PWWP3A: variants seen among roughly 807,000 people sequenced by gnomAD.
PWWP3A encodes the protein PWWP domain-containing DNA repair factor 3A.
A neutral mutation model predicts 79.0 loss-of-function variants in PWWP3A; 53 were observed. That is an observed-to-expected ratio of 0.67 (90% CI 0.54 to 0.84). PWWP3A has a LOEUF of 0.84. PWWP3A is among the 40% of genes least tolerant of loss of function. PWWP3A has a pLI of 0.00. For missense variants in PWWP3A, 973 were observed against 948.0 expected (o/e 1.03, Z -0.35); for synonymous variants, 443 against 394.4 (o/e 1.12, Z -1.46).
Position 1,360,917 on chromosome 19 carries a change from G to C in PWWP3A, c.996G>C (p.Gly332=). ...GAAPSPGPGP[G]PRESVTPRST... ...CACCATCCCCCGGGCCGGGGCCAGGGCCCAGAGAGTCTGTGACCCCGCGCA... is the reference window on the plus strand; with the variant it reads ...CACCATCCCCCGGGCCGGGGCCAGGCCCCAGAGAGTCTGTGACCCCGCGCA... Residue 332 remains glycine (G), a synonymous_variant, in exon 5 of 14, where the codon GGG becomes GGC. Coordinates refer to ENST00000591337, the MANE Select transcript of PWWP3A (RefSeq NM_001369789.1). The surrounding 1 kb of genome is among the most constrained non-coding windows in gnomAD (Gnocchi z 4.4). 6.5e-7 allele frequency: 1 copy of C among 1,538,962 alleles called. No homozygotes were observed. The highest frequency in any genetic ancestry group is 8.8e-7 in the Non-Finnish European group (1 of 1,141,802).
chr19:1,378,403 G>C lies in PWWP3A; in HGVS notation c.*1827G>C, dbSNP rs1445866649. The C allele has an allele frequency of 6.6e-6, 1 of 152,246 alleles. No homozygotes were observed. Among genetic ancestry groups the C allele is most frequent in the South Asian group, 2.1e-4 (1 of 4,836 alleles). 9.4% of individuals were successfully genotyped at this position (152,246 alleles called of 1,614,324 possible). ...CTCTGCTGACCTTGCCAAGTTGTTCGAGGTGGAATTAAACACCTCCCAGAC... is the reference window on the plus strand; with the variant it reads ...CTCTGCTGACCTTGCCAAGTTGTTCCAGGTGGAATTAAACACCTCCCAGAC... On this transcript the variant is annotated 3_prime_UTR_variant, in exon 14 of 14. Transcript: ENST00000591337.
rs756707490 is a variant in PWWP3A, at chr19:1,360,337, C to G, written c.416C>G (p.Pro139Arg). 7 of 1,613,940 alleles carry G rather than the reference C, an allele frequency of 4.3e-6. 1 individual carries two copies. In the South Asian group the frequency reaches 7.7e-5, roughly 18 times the overall value. Reference protein sequence around the residue: ...SPCDSNSSSLPRGDVLGSSRP... With the variant: ...SPCDSNSSSLRRGDVLGSSRP... Reference sequence around the variant, plus strand: ...TGTGATTCGAACTCCTCATCTCTTCCCCGCGGAGACGTGTTGGGCAGTTCC... The same window carrying G: ...TGTGATTCGAACTCCTCATCTCTTCGCCGCGGAGACGTGTTGGGCAGTTCC... The change falls in exon 5 of 14, where the codon CCC becomes CGC. Residue 139 changes from proline to arginine, a missense_variant. Pro to Arg is a moderately radical substitution (Grantham distance 103). Coordinates refer to ENST00000591337, the MANE Select transcript of PWWP3A (RefSeq NM_001369789.1). The surrounding 1 kb of genome is among the most constrained non-coding windows in gnomAD (Gnocchi z 4.4).
In PWWP3A at chr19:1,376,573, G is replaced by T; in HGVS notation, c.2130G>T (p.Arg710=). ...TTGAAGAGCGGAACCGGCGCCGTCG[G>T]TGAGGGAGCAGCCGGCTGTGCTGTC... The part of the protein sequence containing the change: ...QLLEERNRRR[R] Residue 710 remains arginine, a synonymous_variant, in exon 14 of 14, where the codon CGG becomes CGT. Coordinates refer to ENST00000591337, the MANE Select transcript of PWWP3A (RefSeq NM_001369789.1). 2 of 1,613,586 alleles carry T rather than the reference G, an allele frequency of 1.2e-6. No homozygotes were observed. Among genetic ancestry groups the T allele is most frequent in the East Asian group, 4.5e-5 (2 of 44,872 alleles).
Position 1,375,640 on chromosome 19 carries a change from TAA to T in PWWP3A, c.2076-878_2076-877del, listed in dbSNP as rs1260623186. 7.0e-4 allele frequency among the ~76,000 whole-genome samples: 5 copies of T among 7,172 alleles called. No homozygotes were observed. In the East Asian group the frequency reaches 0.023, roughly 34 times the overall value. The allele number at this position is 7,172 out of a possible 152,430, so 4.7% of individuals were successfully genotyped here. ...TTATATAACAATTTTATATATTATATAATATATAATTGTATATATTATATATA... is the reference window on the plus strand; with the variant it reads ...TTATATAACAATTTTATATATTATATTATATAATTGTATATATTATATATA... On this transcript the variant is annotated intron_variant, in intron 13 of 13. Coordinates refer to ENST00000591337, the MANE Select transcript of PWWP3A (RefSeq NM_001369789.1).
intron 7 of PWWP3A, among the ~76,000 whole-genome samples, chr19:1,365,812 G>A (rs980156381): frequency 6.6e-6 from 1 of 152,266 alleles, no homozygotes; most frequent in African/African-American, 2.4e-5. Flanking sequence ...AGGGCCATCG[G>A]AGGCGCTGGT....
intron 11 of PWWP3A, 25 bp from the exon 12 acceptor site, chr19:1,370,617 C>G: frequency 6.9e-7 from 1 of 1,444,550 alleles, no homozygotes; most frequent in Non-Finnish European, 9.1e-7. Context: ...ACGCGCTGGT[C>G]CCACGACAGG....
intron 5 of PWWP3A, among the ~76,000 whole-genome samples, chr19:1,361,728 T>C (rs2082018758): frequency 6.6e-6 from 1 of 151,830 alleles, no homozygotes; most frequent in Non-Finnish European, 1.5e-5. Context: ...GAAGACAAAG[T>C]GACCGCACCC....
chr19:1,364,511 C>T lies in PWWP3A; in HGVS notation c.1216C>T (p.Pro406Ser), dbSNP rs747407035. 1 of 1,594,462 alleles carries T rather than the reference C, an allele frequency of 6.3e-7. No homozygotes were observed. The highest frequency in any genetic ancestry group is 1.8e-5 in the Admixed American group (1 of 55,362). The part of the protein sequence containing the change: ...EPPRVLLYHE[P>S]RSFEVGMLVW... Reference sequence around the variant, plus strand: ...TTTTCTTTTTTCTTTAATTCTAGAACCACGTTCGTTTGAAGTAGGAATGCT... The same window carrying T: ...TTTTCTTTTTTCTTTAATTCTAGAATCACGTTCGTTTGAAGTAGGAATGCT... Residue 406 changes from proline (P) to serine (S), a missense_variant and splice_region_variant, in exon 7 of 14, where the codon CCA becomes TCA. Pro to Ser is a moderately conservative substitution (Grantham distance 74). Transcript: ENST00000591337.
At position 1,369,528 on chromosome 19, in the gene PWWP3A, C is replaced by A. The variant is rs1600119521; in HGVS notation, c.1499-68C>A. On this transcript the variant is annotated intron_variant, in intron 10 of 13. Coordinates refer to ENST00000591337, the MANE Select transcript of PWWP3A (RefSeq NM_001369789.1). This position sits in a 1 kb window ranked among gnomAD's most constrained non-coding sequence, Gnocchi z 4.0. ...TCCTAAACAGAGACGCCGGGCCAGC[C>A]CCTGGAACACACTTCCTGGGACTCC... 1.9e-6 allele frequency: 3 copies of A among 1,584,144 alleles called. No homozygotes were observed. The highest frequency in any genetic ancestry group is 2.7e-5 in the African/African-American group (2 of 74,330).
At position 1,369,114 on chromosome 19, in the gene PWWP3A, C is replaced by T. The variant is rs1218541147; in HGVS notation, c.1423-151C>T. 3 of 666,338 alleles carry T rather than the reference C, an allele frequency of 4.5e-6. No homozygotes were observed. Among genetic ancestry groups the T allele is most frequent in the African/African-American group, 3.6e-5 (2 of 55,622 alleles). The allele number at this position is 666,338 out of a possible 1,614,324, so 41.3% of individuals were successfully genotyped here. On this transcript the variant is annotated intron_variant, in intron 9 of 13. Transcript: ENST00000591337. The surrounding 1 kb of genome is among the most constrained non-coding windows in gnomAD (Gnocchi z 4.0). ...GAGGGTCCCTGTGCGAGGCGTCTGC[C>T]AGAGCCCCCTTTGTCAGGGAGGGTC...
intron 3 of PWWP3A, chr19:1,357,399 CTTTTTT>C (rs66856576): frequency 0.026 from 3,375 of 127,994 alleles, 141 homozygotes; most frequent in African/African-American, 0.096. Flanking sequence ...GGGATATTTC[CTTTTTT>C]TTTTTTTTTT....
chr19:1,357,468 C>G (rs975724796), intron 3 of PWWP3A: 1 of 149,628 alleles, frequency 6.7e-6, no homozygotes, highest in Non-Finnish European at 1.4e-5. Flanking sequence ...GTTTCCTTCC[C>G]AGAGATCTGT....
At chr19:1,362,126 A>G (rs913642744) in intron 5 of PWWP3A, 124 bp from the exon 6 acceptor site, 2 of 636,430 alleles carry the variant, frequency 3.1e-6, no homozygotes, top group South Asian at 2.7e-5. Flanking sequence ...GGCAGTGTGG[A>G]GTTGTGTATA....
At chr19:1,361,903 T>A (rs1285835151) in intron 5 of PWWP3A, 1 of 225,930 alleles carries the variant, frequency 4.4e-6, no homozygotes, top group Non-Finnish European at 9.0e-6. Flanking sequence ...GCATATCCAC[T>A]GATTGCTTCA....
chr19:1,371,187 C>T (rs779412098), intron 12 of PWWP3A, 109 bp downstream of exon 12: 21 of 1,275,716 alleles, frequency 1.6e-5, no homozygotes, highest in South Asian at 1.1e-4. Context: ...CCTGGCCGTT[C>T]GGCGGCCAAC....
Position 1,360,749 on chromosome 19 carries a change from G to C in PWWP3A, c.828G>C (p.Pro276=), listed in dbSNP as rs374979195. ...CTGAGGGACACGACCCCGGTCTGCC[G>C]TTGGGCAGCCTCACTGCGCCCCCAG... ...ANAEGHDPGL[P]LGSLTAPPAP... is the part of the protein sequence containing the mutation. The change falls in exon 5 of 14, where the codon CCG becomes CCC. Residue 276 remains proline, a synonymous_variant. Transcript: ENST00000591337. The surrounding 1 kb of genome is among the most constrained non-coding windows in gnomAD (Gnocchi z 4.4). 1 of 1,612,328 alleles carries C rather than the reference G, an allele frequency of 6.2e-7. No individual in the cohort carries two copies. The highest frequency in any genetic ancestry group is 8.5e-7 in the Non-Finnish European group (1 of 1,179,466).
rs745489616 is a variant in PWWP3A at position 1,362,264 on chromosome 19, G to A, written c.1126G>A (p.Glu376Lys). The part of the protein sequence containing the change: ...QKLEKECQSS[E>K]ESMGSNSMRS... ...ATTATTGGCAGAGTGCCAGTCTTCCGAAGAGTCCATGGGGTCTAATTCCAT... is the reference window on the plus strand; with the variant it reads ...ATTATTGGCAGAGTGCCAGTCTTCCAAAGAGTCCATGGGGTCTAATTCCAT... Residue 376 changes from glutamate (E) to lysine (K), a missense_variant, in exon 6 of 14, where the codon GAA becomes AAA. Transcript: ENST00000591337. 6.0e-5 allele frequency: 97 copies of A among 1,612,804 alleles called. No homozygotes were observed. The highest frequency in any genetic ancestry group is 7.5e-5 in the Non-Finnish European group (89 of 1,179,562).
rs747645153 is a variant in PWWP3A at position 1,375,703 on chromosome 19, TATATA to T, written c.2076-810_2076-806del. ...TTTTATAATATATAAAACAATTTAA[TATATA>T]ATATATATAAAGTATGTATACTTTA... On this transcript the variant is annotated intron_variant, in intron 13 of 13. Coordinates refer to ENST00000591337, the MANE Select transcript of PWWP3A (RefSeq NM_001369789.1). 5.0e-5 allele frequency among the ~76,000 whole-genome samples: 7 copies of T among 139,752 alleles called. No homozygotes were observed. The East Asian group carries it at 8.0e-4, about 16-fold the overall frequency. The allele number at this position is 139,752 out of a possible 152,430, so 91.7% of individuals were successfully genotyped here. A position where few individuals can be genotyped will look rare whatever the true frequency, so the allele number is the denominator to read the frequency against.
rs1568965428 is a variant in PWWP3A, at chr19:1,375,549, A to ACATATAATTT, written c.2076-970_2076-969insCATATAATTT. ...ATAATTTATATATTTTATATATAAA[A>ACATATAATTT]TATATATTATATATAAAATATATTA... On this transcript the variant is annotated intron_variant, in intron 13 of 13. Coordinates refer to ENST00000591337, the MANE Select transcript of PWWP3A (RefSeq NM_001369789.1). Among the ~76,000 whole-genome samples the ACATATAATTT allele has an allele frequency of 7.6e-3, 26 of 3,420 alleles. 1 individual carries two copies. In the South Asian group the frequency reaches 0.2, roughly 26 times the overall value. The allele number at this position is 3,420 out of a possible 152,430, so 2.2% of individuals were successfully genotyped here.
Sources: allele counts gnomAD v4.1 joint callset (sites outside exome capture counted in the v4.1 genomes callset), GRCh38; gene constraint gnomAD v4.1.1; non-coding constraint Gnocchi (gnomAD v3.1); transcripts MANE v1.5; gene names NCBI Gene and HGNC (gene_info 2026-07-23, HGNC 2026-07-21).